The following IL15 variants were observed in gnomAD, a reference collection of about 807,000 sequenced individuals.
IL15 encodes interleukin-15.
Under a neutral mutation model 19.6 loss-of-function variants are expected in IL15, and 11 were observed. The observed-to-expected ratio is 0.56, with a 90% CI of 0.35 to 0.93. IL15 has a LOEUF of 0.93. Ranked by LOEUF, IL15 falls within the 40% of genes least tolerant of loss-of-function variation. The probability of loss-of-function intolerance (pLI) is 0.01; values close to 1 mark genes in which losing one functional copy is unlikely to be tolerated. For missense variants in IL15, 197 were observed against 186.5 expected (o/e 1.06, Z -0.33); for synonymous variants, 58 against 59.6 (o/e 0.97, Z 0.12).
rs1283984690 is a variant in IL15 at position 141,732,957 on chromosome 4, C to T, written c.*109C>T. 3 of 1,464,374 alleles carry T rather than the reference C, an allele frequency of 2.0e-6. No homozygotes were observed. The highest frequency in any genetic ancestry group is 2.7e-6 in the Non-Finnish European group (3 of 1,110,522). 90.7% of individuals were successfully genotyped at this position (1,464,374 alleles called of 1,614,324 possible). A position where few individuals can be genotyped will look rare whatever the true frequency, so the allele number is the denominator to read the frequency against. ...AAATGTGCTGTCAAAACAAGTTTTT[C>T]TGTCAAGAAGATGATCAGACCTTGG... On this transcript the variant is annotated 3_prime_UTR_variant, in exon 8 of 8. Transcript: ENST00000320650.
chr4:141,695,689 T>C (rs1432654510), intron 2 of IL15, among the ~76,000 whole-genome samples: 1 of 152,154 alleles, frequency 6.6e-6, no homozygotes, highest in Non-Finnish European at 1.5e-5. Context: ...GTTAACAATC[T>C]AACCAACAGT....
chr4:141,723,961 T>C (rs1269133649), intron 5 of IL15, among the ~76,000 whole-genome samples: 4 of 152,078 alleles, frequency 2.6e-5, no homozygotes, highest in African/African-American at 9.7e-5. Context: ...AGAAAGGGCA[T>C]AAAAATACAA....
intron 2 of IL15, among the ~76,000 whole-genome samples, chr4:141,666,024 G>C (rs1292411782): frequency 6.6e-6 from 1 of 151,808 alleles, no homozygotes; most frequent in Non-Finnish European, 1.5e-5. Context: ...GGGCTCTTTA[G>C]GGCTCAGAAG....
At chr4:141,715,804 T>C (rs1023338255) in intron 2 of IL15, 1 of 152,216 alleles carries the variant, frequency 6.6e-6, no homozygotes, top group African/African-American at 2.4e-5. Context: ...ATTTTAAATG[T>C]GTGATTAGAC....
At chr4:141,687,415 C>T (rs1440241864) in intron 2 of IL15, among the ~76,000 whole-genome samples, 1 of 152,198 alleles carries the variant, frequency 6.6e-6, no homozygotes, top group Non-Finnish European at 1.5e-5. Context: ...GGCAGCCTGC[C>T]TGCTGACAGC....
chr4:141,718,751 G>C (rs1034398924), intron 2 of IL15: 1 of 152,062 alleles, frequency 6.6e-6, no homozygotes, highest in Non-Finnish European at 1.5e-5. Flanking sequence ...TGTGGAAGAG[G>C]TCACCATGTA....
chr4:141,646,441 A>G (rs531153916), intron 1 of IL15, among the ~76,000 whole-genome samples: 1 of 152,076 alleles, frequency 6.6e-6, no homozygotes, highest in East Asian at 1.9e-4. Flanking sequence ...TTTCTCTCAG[A>G]TATCACCCCC....
At chr4:141,721,726 G>C (rs1168178792) in intron 4 of IL15, 198 bp from the exon 5 acceptor site, 4 of 583,964 alleles carry the variant, frequency 6.8e-6, no homozygotes, top group Non-Finnish European at 1.2e-5. Flanking sequence ...GAAGCCTCAA[G>C]TTATCATAAA....
chr4:141,690,607 T>C (rs1286091658), intron 2 of IL15, among the ~76,000 whole-genome samples: 1 of 152,240 alleles, frequency 6.6e-6, no homozygotes. Context: ...TGCGGACTAC[T>C]ACAATAATAA....
chr4:141,650,908 G>T (rs1434967585), intron 1 of IL15, among the ~76,000 whole-genome samples: 1 of 152,004 alleles, frequency 6.6e-6, no homozygotes, highest in East Asian at 1.9e-4. Flanking sequence ...CAAGCCTAGG[G>T]TCCAAGTCTC....
chr4:141,644,445 A>G (rs1727154323), intron 1 of IL15, among the ~76,000 whole-genome samples: 1 of 152,172 alleles, frequency 6.6e-6, no homozygotes, highest in Non-Finnish European at 1.5e-5. Context: ...ACATGTCTAG[A>G]ACATCAGCTT....
chr4:141,651,191 T>C (rs963663683), intron 1 of IL15, among the ~76,000 whole-genome samples: 1 of 151,828 alleles, frequency 6.6e-6, no homozygotes, highest in Admixed American at 6.6e-5. Context: ...ACACCATCTA[T>C]ATATATACAT....
Position 141,724,707 on chromosome 4 carries a change from G to T in IL15, c.195+2699G>T, listed in dbSNP as rs554508067. ...ACAAATCTGATAACTTAGAGGAAAT[G>T]GACCAATTCTTCAGAAACCACAAAC... On this transcript the variant is annotated intron_variant, in intron 5 of 7. Transcript: ENST00000320650. Among the ~76,000 whole-genome samples the T allele has an allele frequency of 2.2e-4, 33 of 152,116 alleles. No homozygotes were observed. In the South Asian group the frequency reaches 5.0e-3, roughly 23 times the overall value.
At chr4:141,647,296 G>T (rs1302366307) in intron 1 of IL15, among the ~76,000 whole-genome samples, 4 of 151,980 alleles carry the variant, frequency 2.6e-5, no homozygotes, top group Non-Finnish European at 4.4e-5. Flanking sequence ...CTAACACATG[G>T]GGCAAGGTAG....
rs748414509 is a variant in IL15, at chr4:141,732,897, C to G, written c.*49C>G. The G allele has an allele frequency of 1.3e-6, 2 of 1,585,786 alleles. No individual in the cohort carries two copies. The highest frequency in any genetic ancestry group is 2.7e-5 in the African/African-American group (2 of 73,400). On this transcript the variant is annotated 3_prime_UTR_variant, in exon 8 of 8. Coordinates refer to ENST00000320650, the MANE Select transcript of IL15 (RefSeq NM_000585.5). The stretch of plus-strand genomic sequence containing the variant: ...GTTTCTGTTATTAACAAACATCACT[C>G]TGCTGCTTAGACATAACAAAACACT...
intron 2 of IL15, among the ~76,000 whole-genome samples, chr4:141,660,905 T>C (rs2152161718): frequency 6.6e-6 from 1 of 152,222 alleles, no homozygotes; most frequent in South Asian, 2.1e-4. Flanking sequence ...GATGTACAAA[T>C]TTACACTTTT....
At chr4:141,669,282 G>A (rs1184223540) in intron 2 of IL15, among the ~76,000 whole-genome samples, 1 of 152,144 alleles carries the variant, frequency 6.6e-6, no homozygotes, top group Non-Finnish European at 1.5e-5. Flanking sequence ...GAAAGTGCCT[G>A]GAATTTAGAC....
chr4:141,676,728 G>A (rs1018854543), intron 2 of IL15, among the ~76,000 whole-genome samples: 3 of 151,074 alleles, frequency 2.0e-5, no homozygotes, highest in Non-Finnish European at 4.4e-5. Flanking sequence ...CAGGATTTAT[G>A]ACAGAGCCAA....
intron 1 of IL15, among the ~76,000 whole-genome samples, chr4:141,641,358 C>T (rs573318868): frequency 3.9e-5 from 6 of 152,088 alleles, no homozygotes; most frequent in African/African-American, 1.4e-4. Context: ...AACATATATA[C>T]CCAAAGGATT....
Sources: allele counts gnomAD v4.1 joint callset (sites outside exome capture counted in the v4.1 genomes callset), GRCh38; gene constraint gnomAD v4.1.1; transcripts MANE v1.5; gene names NCBI Gene and HGNC (gene_info 2026-07-23, HGNC 2026-07-21).